Variants in OSTF1 observed in about 807,000 individuals in gnomAD.
The protein encoded by OSTF1 is osteoclast-stimulating factor 1.
OSTF1 carries 27 observed loss-of-function variants against 37.2 expected under a neutral mutation model. The observed-to-expected ratio is 0.73, with a 90% CI of 0.54 to 1.00. The LOEUF (loss-of-function observed/expected upper bound fraction) is 1.00, where lower values mean the gene tolerates loss of function less well. Among genes scored for constraint, OSTF1 ranks in the 50% least tolerant of loss-of-function variants. OSTF1 has a pLI of 0.00. For synonymous variants in OSTF1, 82 were observed against 89.2 expected (o/e 0.92, Z 0.46); for missense variants, 232 against 253.8 (o/e 0.91, Z 0.58).
At chr9:75,137,410 G>A in intron 7 of OSTF1, 128 bp from the exon 8 acceptor site, 1 of 608,774 alleles carries the variant, frequency 1.6e-6, no homozygotes, top group South Asian at 2.1e-5. Context: ...GGAATTTTAT[G>A]TGGTTCTATA....
At chr9:75,125,740 A>G (rs150341249) in intron 2 of OSTF1, among the ~76,000 whole-genome samples, 110 of 152,348 alleles carry the variant, frequency 7.2e-4, no homozygotes, top group Middle Eastern at 3.4e-3. Context: ...TATTGCTGAT[A>G]ATAGCCTTCA....
chr9:75,108,126 G>A (rs1019793255), intron 1 of OSTF1, among the ~76,000 whole-genome samples: 2 of 152,070 alleles, frequency 1.3e-5, no homozygotes, highest in Non-Finnish European at 2.9e-5. Flanking sequence ...TTAGGAGGCT[G>A]AGGCAGGAGG....
chr9:75,119,929 A>G (rs889327017), intron 2 of OSTF1, among the ~76,000 whole-genome samples: 2 of 151,658 alleles, frequency 1.3e-5, no homozygotes, highest in African/African-American at 2.4e-5. Context: ...GCGCCACTGC[A>G]CTCCAGCCTG....
At chr9:75,095,775 T>A (rs1171049330) in intron 1 of OSTF1, among the ~76,000 whole-genome samples, 1 of 152,224 alleles carries the variant, frequency 6.6e-6, no homozygotes, top group Admixed American at 6.5e-5. Flanking sequence ...CTTCACAGAT[T>A]GCTTATCTGT....
chr9:75,097,718 T>C (rs1204483898), intron 1 of OSTF1, among the ~76,000 whole-genome samples: 1 of 151,784 alleles, frequency 6.6e-6, no homozygotes, highest in Non-Finnish European at 1.5e-5. Context: ...TGCTTCATTA[T>C]GAGTGGGATG....
At position 75,134,345 on chromosome 9, in the gene OSTF1, G is replaced by C; in HGVS notation, c.359-1G>C. ...AGGTATCTTTTCTCTTTGAATTTCA[G>C]ATATAGTGGAAATGCTATTTACTCA... On this transcript the variant is annotated splice_acceptor_variant, in intron 6 of 9. Transcript: ENST00000346234. LOFTEE classifies it high-confidence loss of function. 1 of 1,528,094 alleles carries C rather than the reference G, an allele frequency of 6.5e-7. No individual in the cohort carries two copies. The highest frequency in any genetic ancestry group is 1.7e-5 in the Admixed American group (1 of 57,252). 94.7% of individuals were successfully genotyped at this position (1,528,094 alleles called of 1,614,324 possible).
intron 9 of OSTF1, among the ~76,000 whole-genome samples, chr9:75,143,979 G>C (rs926741447): frequency 2.0e-5 from 3 of 152,174 alleles, no homozygotes; most frequent in Non-Finnish European, 4.4e-5. Flanking sequence ...TTTAATAGAA[G>C]TAAGAATAAA....
At chr9:75,113,448 T>C (rs76564662) in intron 1 of OSTF1, among the ~76,000 whole-genome samples, 1 of 152,036 alleles carries the variant, frequency 6.6e-6, no homozygotes, top group African/African-American at 2.4e-5. Context: ...TTTTTTTTTT[T>C]TCTGTCTCTT....
At chr9:75,145,959 T>TC (rs1277727955) in intron 9 of OSTF1, among the ~76,000 whole-genome samples, 7 of 152,212 alleles carry the variant, frequency 4.6e-5, no homozygotes, top group African/African-American at 1.7e-4. Flanking sequence ...ATGTGATACT[T>TC]AGAGATCATG....
Position 75,088,737 on chromosome 9 carries a change from T to TAAGGTAGGC in OSTF1, c.34+12_34+20dup, listed in dbSNP as rs1400637813. Reference sequence around the variant, plus strand: ...AACCAGTCAAACCAGGTGAGGGAGGTAAGGTAGGCGCTTGCCAGGTCCTGC... The same window carrying TAAGGTAGGC: ...AACCAGTCAAACCAGGTGAGGGAGGTAAGGTAGGCAAGGTAGGCGCTTGCCAGGTCCTGC... On this transcript the variant is annotated intron_variant, in intron 1 of 9. Coordinates refer to ENST00000346234, the MANE Select transcript of OSTF1 (RefSeq NM_012383.5). 5 of 1,604,142 alleles carry TAAGGTAGGC rather than the reference T, an allele frequency of 3.1e-6. No individual in the cohort carries two copies. The highest frequency in any genetic ancestry group is 4.3e-6 in the Non-Finnish European group (5 of 1,175,244).
At chr9:75,146,423 G>A (rs1325631977) in intron 9 of OSTF1, among the ~76,000 whole-genome samples, 1 of 152,190 alleles carries the variant, frequency 6.6e-6, no homozygotes, top group East Asian at 1.9e-4. Flanking sequence ...CTGTGGCTAG[G>A]CCTTTCTGTT....
chr9:75,128,385 T>TTTTTTTTTTTGTCC (rs1330797193), intron 3 of OSTF1, among the ~76,000 whole-genome samples: 3 of 90,046 alleles, frequency 3.3e-5, no homozygotes, highest in African/African-American at 1.5e-4. Context: ...TATATATATA[T>TTTTTTTTTTTGTCC]ATATATATAT....
At chr9:75,114,990 A>G (rs1825456542) in intron 1 of OSTF1, among the ~76,000 whole-genome samples, 1 of 152,242 alleles carries the variant, frequency 6.6e-6, no homozygotes, top group African/African-American at 2.4e-5. Flanking sequence ...ATAAAACAAC[A>G]AAAATACTTG....
At chr9:75,107,262 A>T (rs1347211276) in intron 1 of OSTF1, among the ~76,000 whole-genome samples, 1 of 152,198 alleles carries the variant, frequency 6.6e-6, no homozygotes, top group African/African-American at 2.4e-5. Context: ...TATTTAGTAG[A>T]ATAATTCAAA....
intron 1 of OSTF1, among the ~76,000 whole-genome samples, chr9:75,095,490 C>T (rs1239931218): frequency 6.6e-6 from 1 of 152,068 alleles, no homozygotes; most frequent in Non-Finnish European, 1.5e-5. Flanking sequence ...GCAGAGTTCC[C>T]AATGCTGAGT....
chr9:75,120,023 A>T lies in OSTF1; in HGVS notation c.81+2473A>T, dbSNP rs547499129. On this transcript the variant is annotated intron_variant, in intron 2 of 9. Transcript: ENST00000346234. ...GGGCTCACCCTAAAGACCTCATTTT[A>T]ACTTAGTTAACTCTAAAGTCCTTAT... Among the ~76,000 whole-genome samples, 5 of 152,290 alleles carry T rather than the reference A, an allele frequency of 3.3e-5. No individual in the cohort carries two copies. In the South Asian group the frequency reaches 1.0e-3, roughly 32 times the overall value.
intron 1 of OSTF1, among the ~76,000 whole-genome samples, chr9:75,091,838 C>T (rs1221810800): frequency 6.6e-6 from 1 of 152,096 alleles, no homozygotes; most frequent in Non-Finnish European, 1.5e-5. Context: ...CTCTCAGCTG[C>T]AAGCAGAGAG....
Position 75,133,583 on chromosome 9 carries a change from C to T in OSTF1, c.358+182C>T, listed in dbSNP as rs141626949. The stretch of plus-strand genomic sequence containing the variant: ...GAACAGTGGGTAGAATGTGGTCAGT[C>T]AGCCTCACTGCATGGGTCCCTCTCG... On this transcript the variant is annotated intron_variant, in intron 6 of 9. Transcript: ENST00000346234. Among the ~76,000 whole-genome samples the T allele has an allele frequency of 7.4e-3, 1,129 of 152,338 alleles. 2 individuals are homozygous for T. Among genetic ancestry groups the T allele is most frequent in the Admixed American group, 0.01 (156 of 15,302 alleles).
intron 1 of OSTF1, among the ~76,000 whole-genome samples, chr9:75,117,214 A>G (rs921381287): frequency 6.6e-5 from 10 of 152,208 alleles, no homozygotes; most frequent in African/African-American, 1.2e-4. Context: ...GGGAAATTTA[A>G]TATCTTCCTG....
Sources: allele counts gnomAD v4.1 joint callset (sites outside exome capture counted in the v4.1 genomes callset), GRCh38; gene constraint gnomAD v4.1.1; transcripts MANE v1.5; gene names NCBI Gene and HGNC (gene_info 2026-07-23, HGNC 2026-07-21).